NOCT: variants seen among roughly 807,000 people sequenced by gnomAD.
NOCT encodes the protein nocturnin.
NOCT carries 18 observed loss-of-function variants against 35.0 expected under a neutral mutation model. The observed-to-expected ratio is 0.51, with a 90% CI of 0.36 to 0.76. The LOEUF is 0.76. Ranked by LOEUF, NOCT falls within the 30% of genes least tolerant of loss-of-function variation. The pLI, the probability that NOCT is intolerant of heterozygous loss-of-function variation, is 0.01. For missense variants in NOCT, 479 were observed against 541.0 expected, an observed-to-expected ratio of 0.89 and a Z score of 1.14; for synonymous variants, 235 against 226.3, an observed-to-expected ratio of 1.04 and a Z score of -0.34.
At chr4:139,031,878 A>G (rs1726630738) in intron 1 of NOCT, among the ~76,000 whole-genome samples, 3 of 151,834 alleles carry the variant, frequency 2.0e-5, no homozygotes, top group South Asian at 4.2e-4. Context: ...ACGCCCGGCT[A>G]ATTTTTGTAT....
intron 1 of NOCT, among the ~76,000 whole-genome samples, chr4:139,034,761 A>G (rs78924489): frequency 0.011 from 1,598 of 151,998 alleles, 28 homozygotes; most frequent in African/African-American, 0.037. Flanking sequence ...TATGTTCATC[A>G]TGTTGCTTAG....
At chr4:139,025,116 G>T (rs949970969) in intron 1 of NOCT, among the ~76,000 whole-genome samples, 2 of 152,022 alleles carry the variant, frequency 1.3e-5, no homozygotes, top group African/African-American at 4.8e-5. Flanking sequence ...TCTCTTTCAG[G>T]TCCATTCACC....
intron 1 of NOCT, among the ~76,000 whole-genome samples, chr4:139,038,848 G>A (rs557252005): frequency 1.4e-4 from 21 of 152,182 alleles, no homozygotes; most frequent in African/African-American, 4.6e-4. Flanking sequence ...TCTGTGTTTA[G>A]TGCTTTGCTC....
chr4:139,016,515 A>T (rs909322074), intron 1 of NOCT, among the ~76,000 whole-genome samples: 3 of 151,140 alleles, frequency 2.0e-5, no homozygotes, highest in African/African-American at 7.3e-5. Context: ...TTATTGCACG[A>T]CTTAACGGAA....
chr4:139,033,610 T>C (rs1270114032), intron 1 of NOCT, among the ~76,000 whole-genome samples: 2 of 150,866 alleles, frequency 1.3e-5, no homozygotes, highest in Non-Finnish European at 2.9e-5. Flanking sequence ...AGTTAGAGGA[T>C]GCAGTGAGCT....
intron 2 of NOCT, 45 bp downstream of exon 2, chr4:139,043,388 C>T (rs1726873341): frequency 6.3e-7 from 1 of 1,581,928 alleles, no homozygotes; most frequent in Non-Finnish European, 8.7e-7. Flanking sequence ...TTTGCTGTGA[C>T]TGCCTTTCTG....
intron 1 of NOCT, among the ~76,000 whole-genome samples, chr4:139,031,993 G>A (rs534227960): frequency 6.6e-6 from 1 of 152,314 alleles, no homozygotes; most frequent in Admixed American, 6.5e-5. Context: ...GATTACAGGG[G>A]TGAGCTACCA....
Position 139,029,356 on chromosome 4 carries a change from A to C in NOCT, c.190+13185A>C, listed in dbSNP as rs565097772. ...TAAGTTATTCAGGATCCTATTAGTA[A>C]ACAGTGGAGCCAGGATTTGGATTCA... On this transcript the variant is annotated intron_variant, in intron 1 of 2. Transcript: ENST00000280614. Among the ~76,000 whole-genome samples the C allele has an allele frequency of 6.6e-5, 10 of 152,368 alleles. No individual in the cohort carries two copies. In the South Asian group the frequency reaches 1.9e-3, roughly 28 times the overall value.
intron 2 of NOCT, 51 bp from the exon 3 acceptor site, chr4:139,044,588 T>G (rs781146527): frequency 1.6e-6 from 2 of 1,213,196 alleles, no homozygotes; most frequent in Non-Finnish European, 2.4e-6. Context: ...CTGGGTACTT[T>G]GAAGTCACGG....
At position 139,032,267 on chromosome 4, in the gene NOCT, TG is replaced by T. The variant is rs1560731941; in HGVS notation, c.191-10803del. Among the ~76,000 whole-genome samples, 3 of 151,458 alleles carry T rather than the reference TG, an allele frequency of 2.0e-5. No individual in the cohort carries two copies. The East Asian group carries it at 5.8e-4, about 29-fold the overall frequency. On this transcript the variant is annotated intron_variant, in intron 1 of 2. Coordinates refer to ENST00000280614, the MANE Select transcript of NOCT (RefSeq NM_012118.4). ...ATAGAATTAGTCAGTGGCAGGGGGA[TG>T]GGGTGATGTTGCTAAATGGACACTA...
intron 1 of NOCT, among the ~76,000 whole-genome samples, chr4:139,022,600 G>A (rs1015399119): frequency 3.3e-5 from 5 of 152,182 alleles, no homozygotes; most frequent in African/African-American, 7.2e-5. Context: ...GAGGAGGCTC[G>A]TTTTACTAAA....
chr4:139,022,299 A>G (rs981011538), intron 1 of NOCT, among the ~76,000 whole-genome samples: 22 of 152,300 alleles, frequency 1.4e-4, no homozygotes, highest in African/African-American at 4.3e-4. Context: ...CTCTGTATCT[A>G]TGTGGCCTCA....
intron 1 of NOCT, among the ~76,000 whole-genome samples, chr4:139,025,692 G>A (rs1196587508): frequency 3.3e-5 from 5 of 151,782 alleles, no homozygotes; most frequent in East Asian, 2.0e-4. Flanking sequence ...TCCCATCAGC[G>A]ACTCAGAAAG....
At chr4:139,038,736 T>A (rs1726781122) in intron 1 of NOCT, among the ~76,000 whole-genome samples, 1 of 152,182 alleles carries the variant, frequency 6.6e-6, no homozygotes, top group Non-Finnish European at 1.5e-5. Context: ...TGCCCCCTCC[T>A]TTTTTGGTGT....
At chr4:139,038,982 G>A (rs1246974969) in intron 1 of NOCT, among the ~76,000 whole-genome samples, 1 of 151,892 alleles carries the variant, frequency 6.6e-6, no homozygotes, top group Non-Finnish European at 1.5e-5. Flanking sequence ...GCCAAAAATG[G>A]TCCTGTTAAT....
At chr4:139,033,072 AAAGT>A (rs1390908989) in intron 1 of NOCT, among the ~76,000 whole-genome samples, 1 of 151,876 alleles carries the variant, frequency 6.6e-6, no homozygotes, top group Non-Finnish European at 1.5e-5. Context: ...CTCCAAAAAA[AAAGT>A]AAGTGTGGCC....
At position 139,044,819 on chromosome 4, in the gene NOCT, G is replaced by C; in HGVS notation, c.641G>C (p.Gly214Ala). ...CTCCTCAGTAGACTAGGCTATCAAG[G>C]CACGTTTTTCCCCAAACCCTGGTCA... is the stretch of plus-strand genomic sequence containing the variant. ...QPLLSRLGYQ[G>A]TFFPKPWSPC... Residue 214 changes from glycine (G) to alanine (A), a missense_variant, in exon 3 of 3, where the codon GGC becomes GCC. Coordinates refer to ENST00000280614, the MANE Select transcript of NOCT (RefSeq NM_012118.4). 1.2e-6 allele frequency: 2 copies of C among 1,614,172 alleles called. No individual in the cohort carries two copies. Among genetic ancestry groups the C allele is most frequent in the Non-Finnish European group, 1.7e-6 (2 of 1,180,034 alleles).
At chr4:139,024,045 C>CTTTTTTTTTTTTTTT (rs368349308) in intron 1 of NOCT, among the ~76,000 whole-genome samples, 1 of 130,978 alleles carries the variant, frequency 7.6e-6, no homozygotes, top group African/African-American at 2.9e-5. Context: ...TCTATTCATC[C>CTTTTTTTTTTTTTTT]TTTTTTTTTT....
At chr4:139,028,286 G>C (rs1217612536) in intron 1 of NOCT, 1 of 152,270 alleles carries the variant, frequency 6.6e-6, no homozygotes, top group Non-Finnish European at 1.5e-5. Flanking sequence ...TGTCCTGGCT[G>C]AAGGTATGGT....
Sources: allele counts gnomAD v4.1 joint callset (sites outside exome capture counted in the v4.1 genomes callset), GRCh38; gene constraint gnomAD v4.1.1; transcripts MANE v1.5; gene names NCBI Gene and HGNC (gene_info 2026-07-23, HGNC 2026-07-21).